FBXL7: variants seen among roughly 807,000 people sequenced by gnomAD.
The protein encoded by FBXL7 is F-box/LRR-repeat protein 7.
In FBXL7, 12 loss-of-function variants were observed where a neutral mutation model predicts 38.3. The observed-to-expected ratio is 0.31, with a 90% CI of 0.20 to 0.51. FBXL7 has a LOEUF of 0.51. Ranked by LOEUF, FBXL7 falls within the 20% of genes least tolerant of loss-of-function variation. The pLI is 0.98. For missense variants in FBXL7, 567 were observed against 676.4 expected (o/e 0.84, Z 1.79); for synonymous variants, 297 against 300.9 (o/e 0.99, Z 0.13).
At chr5:15,620,944 A>G (rs1046236934) in intron 2 of FBXL7, among the ~76,000 whole-genome samples, 5 of 152,168 alleles carry the variant, frequency 3.3e-5, no homozygotes, top group South Asian at 2.1e-4. Flanking sequence ...CATCGAATTT[A>G]TCCACTCCAG....
intron 2 of FBXL7, among the ~76,000 whole-genome samples, chr5:15,736,807 A>C (rs1014712320): frequency 1.3e-5 from 2 of 152,172 alleles, no homozygotes; most frequent in Non-Finnish European, 1.5e-5. Flanking sequence ...CTGCTGTCTG[A>C]TGGGATATAG....
At chr5:15,671,108 T>C (rs1391162845) in intron 2 of FBXL7, among the ~76,000 whole-genome samples, 1 of 152,204 alleles carries the variant, frequency 6.6e-6, no homozygotes, top group African/African-American at 2.4e-5. Flanking sequence ...ACTTGAGCTG[T>C]ACCTTTACTC....
intron 2 of FBXL7, among the ~76,000 whole-genome samples, chr5:15,752,150 T>G (rs1736170712): frequency 7.8e-6 from 1 of 128,216 alleles, no homozygotes; most frequent in Non-Finnish European, 1.7e-5. Context: ...AATAGAATGT[T>G]TAATAAAATT....
At chr5:15,651,489 A>C (rs1426870777) in intron 2 of FBXL7, among the ~76,000 whole-genome samples, 1 of 152,142 alleles carries the variant, frequency 6.6e-6, no homozygotes, top group African/African-American at 2.4e-5. Flanking sequence ...AAACAACATT[A>C]ATCTACTTGT....
intron 2 of FBXL7, among the ~76,000 whole-genome samples, chr5:15,898,654 C>T (rs1231678208): frequency 2.6e-5 from 4 of 152,202 alleles, no homozygotes; most frequent in African/African-American, 7.2e-5. Context: ...AAAGATGTGT[C>T]GCAGGATACA....
intron 2 of FBXL7, among the ~76,000 whole-genome samples, chr5:15,876,991 T>A (rs997431689): frequency 2.0e-5 from 3 of 152,204 alleles, no homozygotes; most frequent in Non-Finnish European, 2.9e-5. Context: ...GCAGAGATTT[T>A]AAATATTTAA....
chr5:15,734,684 T>C (rs1022920333), intron 2 of FBXL7, among the ~76,000 whole-genome samples: 20 of 152,328 alleles, frequency 1.3e-4, no homozygotes, highest in Non-Finnish European at 4.4e-5. Flanking sequence ...TTCTGTGATA[T>C]AATAATCACA....
At chr5:15,761,914 C>T (rs1561116279) in intron 2 of FBXL7, among the ~76,000 whole-genome samples, 1 of 152,152 alleles carries the variant, frequency 6.6e-6, no homozygotes, top group Admixed American at 6.5e-5. Flanking sequence ...TGTGGGTTCT[C>T]AATACTAAAG....
intron 2 of FBXL7, among the ~76,000 whole-genome samples, chr5:15,678,147 T>G (rs888292192): frequency 5.3e-5 from 8 of 152,118 alleles, no homozygotes; most frequent in African/African-American, 1.9e-4. Flanking sequence ...ATTACAACCT[T>G]CATACTGCCA....
At chr5:15,902,450 A>G (rs1741254223) in intron 2 of FBXL7, among the ~76,000 whole-genome samples, 1 of 152,240 alleles carries the variant, frequency 6.6e-6, no homozygotes, top group African/African-American at 2.4e-5. Flanking sequence ...CAACTGAATA[A>G]TATACAAAGA....
chr5:15,671,012 C>A (rs1742454520), intron 2 of FBXL7, among the ~76,000 whole-genome samples: 1 of 151,992 alleles, frequency 6.6e-6, no homozygotes, highest in Non-Finnish European at 1.5e-5. Flanking sequence ...TATTCTCTGA[C>A]TTCATTTGCA....
At chr5:15,668,693 C>T (rs1742363740) in intron 2 of FBXL7, among the ~76,000 whole-genome samples, 1 of 152,108 alleles carries the variant, frequency 6.6e-6, no homozygotes, top group Non-Finnish European at 1.5e-5. Flanking sequence ...CCCTGGCCTG[C>T]TAACCTCCAG....
chr5:15,897,787 G>A (rs1162582105), intron 2 of FBXL7, among the ~76,000 whole-genome samples: 1 of 151,796 alleles, frequency 6.6e-6, no homozygotes, highest in Non-Finnish European at 1.5e-5. Flanking sequence ...AACTTTGTTT[G>A]GAATTCAGCA....
At chr5:15,869,312 T>TG in intron 2 of FBXL7, among the ~76,000 whole-genome samples, 1 of 152,302 alleles carries the variant, frequency 6.6e-6, no homozygotes, top group East Asian at 1.9e-4. Flanking sequence ...AGCAGGCATT[T>TG]GGGGGAGCCT....
At chr5:15,788,758 C>T (rs1165624463) in intron 2 of FBXL7, among the ~76,000 whole-genome samples, 2 of 151,988 alleles carry the variant, frequency 1.3e-5, no homozygotes, top group African/African-American at 2.4e-5. Flanking sequence ...TGGCTCACTG[C>T]AAACTCTGCC....
intron 2 of FBXL7, among the ~76,000 whole-genome samples, chr5:15,912,786 G>C (rs541059137): frequency 6.6e-6 from 1 of 152,204 alleles, no homozygotes; most frequent in Admixed American, 6.5e-5. Context: ...CAGTCTTTGT[G>C]CTATTTAATA....
At chr5:15,862,829 T>C (rs1011187287) in intron 2 of FBXL7, among the ~76,000 whole-genome samples, 15 of 152,036 alleles carry the variant, frequency 9.9e-5, no homozygotes, top group Admixed American at 2.6e-4. Flanking sequence ...TCCCTGAGAG[T>C]CCAGCTGGGG....
At chr5:15,831,812 G>A (rs1006253566) in intron 2 of FBXL7, among the ~76,000 whole-genome samples, 8 of 152,084 alleles carry the variant, frequency 5.3e-5, no homozygotes, top group Admixed American at 1.3e-4. Flanking sequence ...CTTTTCTTTC[G>A]GAATGAAGAC....
chr5:15,799,450 C>T (rs948803386), intron 2 of FBXL7, among the ~76,000 whole-genome samples: 68 of 151,372 alleles, frequency 4.5e-4, no homozygotes, highest in Non-Finnish European at 4.4e-5. Flanking sequence ...CAACCTCCGC[C>T]TCCTGGATTC....
Sources: gnomAD v4.1 joint callset for allele counts (sites outside exome capture counted in the v4.1 genomes callset) on GRCh38, gnomAD v4.1.1 for gene constraint, MANE v1.5 for transcripts, NCBI Gene and HGNC (gene_info 2026-07-23, HGNC 2026-07-21) for gene names.